Variants in CFAP298 observed in about 807,000 individuals in gnomAD.
CFAP298 encodes cilia- and flagella-associated protein 298.
CFAP298 carries 38 observed loss-of-function variants against 41.0 expected under a neutral mutation model. The observed-to-expected ratio is 0.93, with a 90% CI of 0.72 to 1.22. The LOEUF (loss-of-function observed/expected upper bound fraction) is 1.22, where lower values mean the gene tolerates loss of function less well. Ranked by LOEUF, CFAP298 falls within the 50% of genes most tolerant of loss-of-function variation. CFAP298 has a pLI of 0.00. For synonymous variants in CFAP298, 137 were observed against 135.3 expected (o/e 1.01, Z -0.09); for missense variants, 348 against 360.3 (o/e 0.97, Z 0.28).
At chr21:32,608,157 T>C (rs2038908265) in intron 2 of CFAP298, among the ~76,000 whole-genome samples, 1 of 149,528 alleles carries the variant, frequency 6.7e-6, no homozygotes, top group African/African-American at 2.5e-5. Context: ...TGGCTAAATT[T>C]GACCTGTAGC....
At chr21:32,610,056 T>C (rs763500013) in intron 1 of CFAP298, 51 bp from the exon 2 acceptor site, 5 of 1,510,308 alleles carry the variant, frequency 3.3e-6, no homozygotes, top group African/African-American at 2.7e-5. Context: ...TCATACCCCA[T>C]TGGAATGTAA....
intron 2 of CFAP298, among the ~76,000 whole-genome samples, chr21:32,608,584 G>C (rs2038920004): frequency 6.7e-6 from 1 of 150,302 alleles, no homozygotes. Flanking sequence ...TGGAATCCGG[G>C]AGGCAGAGGT....
At position 32,604,136 on chromosome 21, in the gene CFAP298, A is replaced by T. The variant is rs1316788722; in HGVS notation, c.523T>A (p.Ser175Thr). The T allele has an allele frequency of 1.2e-6, 2 of 1,613,946 alleles. No homozygotes were observed. The highest frequency in any genetic ancestry group is 1.7e-5 in the Admixed American group (1 of 60,024). Residue 175 changes from serine to threonine, a missense_variant, in exon 4 of 7, where the codon TCG (serine) becomes ACG (threonine). Coordinates refer to ENST00000290155, the MANE Select transcript of CFAP298 (RefSeq NM_021254.4). The stretch of plus-strand genomic sequence containing the variant: ...CACAAACTACGTACCTGTGTTCCCG[A>T]CAAGTCTTCCTTATTTTCAAACTCC... ...RMEFENKEDL[S>T]GTQAGLNVIK... is the part of the protein sequence containing the mutation.
At chr21:32,610,157 G>C (rs1029086620) in intron 1 of CFAP298, 152 bp from the exon 2 acceptor site, 1 of 693,560 alleles carries the variant, frequency 1.4e-6, no homozygotes, top group Non-Finnish European at 2.4e-6. Context: ...GACCTGGCCT[G>C]GGCCTTTGAC....
intron 1 of CFAP298, 123 bp from the exon 2 acceptor site, chr21:32,610,128 T>C (rs1335239404): frequency 1.2e-6 from 1 of 842,218 alleles, no homozygotes; most frequent in Non-Finnish European, 1.8e-6. Context: ...AACATTTATA[T>C]GCCACTTGCT....
intron 4 of CFAP298, among the ~76,000 whole-genome samples, chr21:32,603,584 G>A (rs1471791841): frequency 6.6e-6 from 1 of 152,202 alleles, no homozygotes; most frequent in Non-Finnish European, 1.5e-5. Flanking sequence ...CCACTGCCAG[G>A]GAAGGGCACT....
rs1387139602 is a variant in CFAP298, at chr21:32,604,115, A to C, written c.534+10T>G. The C allele has an allele frequency of 6.2e-7, 1 of 1,610,734 alleles. No homozygotes were observed. The highest frequency in any genetic ancestry group is 8.5e-7 in the Non-Finnish European group (1 of 1,177,848). Reference sequence around the variant, plus strand: ...TCAACCTCCAGAGTACCCACTCACAAACTACGTACCTGTGTTCCCGACAAG... The same window carrying C: ...TCAACCTCCAGAGTACCCACTCACACACTACGTACCTGTGTTCCCGACAAG... On this transcript the variant is annotated intron_variant, in intron 4 of 6. Transcript: ENST00000290155.
chr21:32,607,607 A>AAAAAAC, intron 3 of CFAP298, 42 bp downstream of exon 3: 1 of 1,314,594 alleles, frequency 7.6e-7, no homozygotes, highest in Non-Finnish European at 1.1e-6. Flanking sequence ...AAAAAAAAAA[A>AAAAAAC]AAAACCCAAC....
Position 32,607,829 on chromosome 21 carries a change from C to G in CFAP298, c.308-113G>C, listed in dbSNP as rs191189362. 1.5e-5 allele frequency: 10 copies of G among 654,356 alleles called. No individual in the cohort carries two copies. In the Admixed American group the frequency reaches 2.4e-4, roughly 16 times the overall value. The allele number at this position is 654,356 out of a possible 1,614,324, so 40.5% of individuals were successfully genotyped here. A position where few individuals can be genotyped will look rare whatever the true frequency, so the allele number is the denominator to read the frequency against. ...GGGGTAAATGAACTGAGAGAGAGTG[C>G]GAGTGTGGAATTTAGGGAAGAGAAG... On this transcript the variant is annotated intron_variant, in intron 2 of 6. Coordinates refer to ENST00000290155, the MANE Select transcript of CFAP298 (RefSeq NM_021254.4).
At chr21:32,609,714 GAGATTGTGC>G (rs1165195470) in intron 2 of CFAP298, 115 bp downstream of exon 2, 15 of 799,582 alleles carry the variant, frequency 1.9e-5, no homozygotes, top group Non-Finnish European at 2.7e-5. Flanking sequence ...GCAGTGAGCT[GAGATTGTGC>G]CACTGCACTC....
intron 3 of CFAP298, among the ~76,000 whole-genome samples, chr21:32,606,008 A>G (rs1261215349): frequency 6.6e-6 from 1 of 152,246 alleles, no homozygotes; most frequent in African/African-American, 2.4e-5. Flanking sequence ...CAGACGGTAC[A>G]GAACCCCACT....
chr21:32,601,896 A>G lies in CFAP298; in HGVS notation c.840T>C (p.His280=), dbSNP rs756672975. The change falls in exon 7 of 7, where the codon CAT becomes CAC. Residue 280 remains histidine, a synonymous_variant. Coordinates refer to ENST00000290155, the MANE Select transcript of CFAP298 (RefSeq NM_021254.4). Reference sequence around the variant, plus strand: ...GTCTCCACTTTATGTCTTTCACTCCATGAAAATGTCTTTTCAAAGCAGTGT... The same window carrying G: ...GTCTCCACTTTATGTCTTTCACTCCGTGAAAATGTCTTTTCAAAGCAGTGT... ...ADNTALKRHF[H]GVKDIKWRPR is the part of the protein sequence containing the mutation. 1 of 1,611,884 alleles carries G rather than the reference A, an allele frequency of 6.2e-7. No individual in the cohort carries two copies. Among genetic ancestry groups the G allele is most frequent in the South Asian group, 1.1e-5 (1 of 91,034 alleles).
At chr21:32,603,396 G>A in intron 4 of CFAP298, 104 bp from the exon 5 acceptor site, 1 of 1,277,962 alleles carries the variant, frequency 7.8e-7, no homozygotes, top group Non-Finnish European at 1.1e-6. Flanking sequence ...TTCTCCCCGT[G>A]CTCACCATGG....
intron 2 of CFAP298, among the ~76,000 whole-genome samples, chr21:32,609,251 G>C (rs1490801362): frequency 6.6e-6 from 1 of 152,142 alleles, no homozygotes; most frequent in African/African-American, 2.4e-5. Context: ...ACAATTATTA[G>C]GTGGAAACAC....
At chr21:32,611,170 G>A (rs908092263) in intron 1 of CFAP298, among the ~76,000 whole-genome samples, 1 of 151,276 alleles carries the variant, frequency 6.6e-6, no homozygotes, top group African/African-American at 2.4e-5. Context: ...TGGGCGTGGT[G>A]GTGGGCGCCT....
At position 32,612,259 on chromosome 21, in the gene CFAP298, GTA is replaced by G; in HGVS notation, c.-18_-17del. ...GCAGAACCATGGCGGTCCCGCCGAG[GTA>G]CTGAGGCGTTGAGAAGGCCCCGGCT... On this transcript the variant is annotated 5_prime_UTR_variant, in exon 1 of 7. Transcript: ENST00000290155. 1 of 1,469,298 alleles carries G rather than the reference GTA, an allele frequency of 6.8e-7. No individual in the cohort carries two copies. The highest frequency in any genetic ancestry group is 9.4e-7 in the Non-Finnish European group (1 of 1,060,306). The allele number at this position is 1,469,298 out of a possible 1,614,324, so 91.0% of individuals were successfully genotyped here.
rs1188749276 is a variant in CFAP298, at chr21:32,611,392, CTA to C, written c.139+711_139+712del. On this transcript the variant is annotated intron_variant, in intron 1 of 6. Transcript: ENST00000290155. ...TATAATTTATTTATATTCATATATA[CTA>C]TATATATGGTATTTATTTATATTTA... Among the ~76,000 whole-genome samples, 315 of 137,336 alleles carry C rather than the reference CTA, an allele frequency of 2.3e-3. 2 individuals are homozygous for C. Among genetic ancestry groups the C allele is most frequent in the African/African-American group, 7.6e-3 (264 of 34,736 alleles). 90.1% of individuals were successfully genotyped at this position (137,336 alleles called of 152,430 possible).
intron 1 of CFAP298, 142 bp from the exon 2 acceptor site, chr21:32,610,147 G>T: frequency 1.4e-6 from 1 of 738,436 alleles, no homozygotes. Flanking sequence ...CTATGTGCCA[G>T]ACCTGGCCTG....
At position 32,602,747 on chromosome 21, in the gene CFAP298, G is replaced by T. The variant is rs376777650; in HGVS notation, c.667-380C>A. On this transcript the variant is annotated intron_variant, in intron 5 of 6. Coordinates refer to ENST00000290155, the MANE Select transcript of CFAP298 (RefSeq NM_021254.4). The stretch of plus-strand genomic sequence containing the variant: ...TAGGAGCACCCACAAAACCAAGGCG[G>T]CCCCTCAGGTTACAGCGCTACACGA... 5.6e-6 allele frequency: 7 copies of T among 1,255,750 alleles called. No homozygotes were observed. In the African/African-American group the frequency reaches 1.1e-4, roughly 19 times the overall value. 77.8% of individuals were successfully genotyped at this position (1,255,750 alleles called of 1,614,324 possible).
Sources: gnomAD v4.1 joint callset for allele counts (sites outside exome capture counted in the v4.1 genomes callset) on GRCh38, gnomAD v4.1.1 for gene constraint, MANE v1.5 for transcripts, NCBI Gene and HGNC (gene_info 2026-07-23, HGNC 2026-07-21) for gene names.